The following MXRA7 variants were observed in gnomAD, a reference collection of about 807,000 sequenced individuals.
MXRA7 encodes matrix-remodeling-associated protein 7.
A neutral mutation model predicts 17.4 loss-of-function variants in MXRA7; 18 were observed. The ratio of observed to expected loss-of-function variants is 1.03; its 90% CI spans 0.71 to 1.53. MXRA7 has a LOEUF of 1.53. MXRA7 is among the 40% of genes most tolerant of loss of function. The pLI is 0.00. For missense variants in MXRA7, 141 were observed against 209.3 expected, an observed-to-expected ratio of 0.67 and a Z score of 2.01; for synonymous variants, 70 against 101.7, an observed-to-expected ratio of 0.69 and a Z score of 1.87.
At chr17:76,704,172 T>A (rs2076627149) in intron 1 of MXRA7, among the ~76,000 whole-genome samples, 1 of 149,444 alleles carries the variant, frequency 6.7e-6, no homozygotes. Context: ...CTAGAATGAC[T>A]GCTGCAGCAC....
Position 76,681,682 on chromosome 17 carries a change from T to C in MXRA7, c.501-803A>G, listed in dbSNP as rs1363237469. On this transcript the variant is annotated intron_variant, in intron 3 of 3. Transcript: ENST00000449428. The surrounding 1 kb of genome is among the most constrained non-coding windows in gnomAD (Gnocchi z 4.7). ...CTGATCTATCAGAGCCAGCCCAGTCTATAGCCTGGGTTCATTTTCCCTCTG... is the reference window on the plus strand; with the variant it reads ...CTGATCTATCAGAGCCAGCCCAGTCCATAGCCTGGGTTCATTTTCCCTCTG... Among the ~76,000 whole-genome samples the C allele has an allele frequency of 6.6e-6, 1 of 152,176 alleles. No individual in the cohort carries two copies. Among genetic ancestry groups the C allele is most frequent in the East Asian group, 1.9e-4 (1 of 5,194 alleles).
At chr17:76,702,223 A>T (rs1177141573) in intron 1 of MXRA7, among the ~76,000 whole-genome samples, 1 of 152,238 alleles carries the variant, frequency 6.6e-6, no homozygotes, top group Non-Finnish European at 1.5e-5. Flanking sequence ...ATAGAAGATA[A>T]GGGCTGGGCA....
intron 1 of MXRA7, among the ~76,000 whole-genome samples, chr17:76,701,721 C>T (rs538359037): frequency 4.6e-5 from 7 of 152,134 alleles, no homozygotes; most frequent in South Asian, 2.1e-4. Context: ...ACTGTTCCTG[C>T]GAGGAGCCGA....
At chr17:76,693,266 G>C (rs963866443) in intron 1 of MXRA7, among the ~76,000 whole-genome samples, 5 of 150,270 alleles carry the variant, frequency 3.3e-5, no homozygotes, top group Non-Finnish European at 7.4e-5. Context: ...TCATTAGTTC[G>C]AGACCAGTCT....
At chr17:76,692,927 C>G (rs1308570886) in intron 1 of MXRA7, among the ~76,000 whole-genome samples, 24 of 152,064 alleles carry the variant, frequency 1.6e-4, no homozygotes, top group Admixed American at 1.6e-3. Flanking sequence ...TTTGTGCACA[C>G]GTGACCTCAA....
chr17:76,684,257 G>C (rs2076354850), intron 3 of MXRA7, among the ~76,000 whole-genome samples: 1 of 152,180 alleles, frequency 6.6e-6, no homozygotes, highest in South Asian at 2.1e-4. Flanking sequence ...GCTGGTTTCT[G>C]CTGACAAGTA....
intron 1 of MXRA7, among the ~76,000 whole-genome samples, chr17:76,695,229 A>G (rs1031448184): frequency 6.6e-6 from 1 of 152,150 alleles, no homozygotes; most frequent in African/African-American, 2.4e-5. Flanking sequence ...CTGATTTTAT[A>G]AAAGTGTGGA....
chr17:76,677,656 T>C (rs1432239614), downstream of MXRA7: 2 of 1,613,888 alleles, frequency 1.2e-6, no homozygotes, highest in Non-Finnish European at 1.7e-6. Flanking sequence ...GTCTCCTTGT[T>C]GTCTTTCATG....
intron 1 of MXRA7, among the ~76,000 whole-genome samples, chr17:76,701,054 T>A (rs1036074772): frequency 6.6e-6 from 1 of 150,998 alleles, no homozygotes; most frequent in African/African-American, 2.4e-5. Flanking sequence ...CTGTGGGAAG[T>A]TTGGAATTGC....
intron 2 of MXRA7, 116 bp downstream of exon 2, chr17:76,687,997 T>TATCCCACCCC: frequency 1.0e-6 from 1 of 969,946 alleles, no homozygotes; most frequent in Non-Finnish European, 1.6e-6. Context: ...CTCAGGCCAC[T>TATCCCACCCC]GTCCCACCCC....
At chr17:76,698,816 G>A (rs1356830732) in intron 1 of MXRA7, among the ~76,000 whole-genome samples, 1 of 147,756 alleles carries the variant, frequency 6.8e-6, no homozygotes, top group Non-Finnish European at 1.5e-5. Flanking sequence ...TCCGCCTCCC[G>A]GGTTCAAGAG....
chr17:76,685,048 GC>G, intron 3 of MXRA7, 23 bp downstream of exon 3: 16 of 1,598,388 alleles, frequency 1.0e-5, no homozygotes, highest in Non-Finnish European at 1.4e-5. Context: ...CCCGCCAGGC[GC>G]CAGCGAAGGG....
intron 1 of MXRA7, chr17:76,688,939 C>A: frequency 3.9e-6 from 1 of 256,510 alleles, no homozygotes. Flanking sequence ...GCCCAGCCAG[C>A]GTCGGCCGCT....
At chr17:76,700,727 G>A (rs2076580440) in intron 1 of MXRA7, among the ~76,000 whole-genome samples, 1 of 152,244 alleles carries the variant, frequency 6.6e-6, no homozygotes, top group Non-Finnish European at 1.5e-5. Flanking sequence ...CACTGCGGCA[G>A]ACAAGCCACA....
At chr17:76,706,936 C>T (rs2076668642) in intron 1 of MXRA7, among the ~76,000 whole-genome samples, 1 of 152,116 alleles carries the variant, frequency 6.6e-6, no homozygotes, top group Admixed American at 6.5e-5. Flanking sequence ...TACACACACA[C>T]ACTGTGTGTG....
chr17:76,673,056 C>T lies in MXRA7; in HGVS notation c.*4532G>A, dbSNP rs534713875. On this transcript the variant is annotated 3_prime_UTR_variant, in exon 4 of 4. Transcript: ENST00000355797. ...GAGTGAAGGATTTCTGGTACCCTGCCGCTCTCCAAAAAGACGTCTCTTTGG... is the reference window on the plus strand; with the variant it reads ...GAGTGAAGGATTTCTGGTACCCTGCTGCTCTCCAAAAAGACGTCTCTTTGG... 3.3e-5 allele frequency: 5 copies of T among 152,284 alleles called. No individual in the cohort carries two copies. In the East Asian group the frequency reaches 5.8e-4, roughly 18 times the overall value. 9.4% of individuals were successfully genotyped at this position (152,284 alleles called of 1,614,324 possible).
rs187447677 is a variant in MXRA7 at position 76,702,060 on chromosome 17, G to A, written c.342+8545C>T. Among the ~76,000 whole-genome samples, 306 of 152,306 alleles carry A rather than the reference G, an allele frequency of 2.0e-3. 1 individual carries two copies. Among genetic ancestry groups the A allele is most frequent in the African/African-American group, 7.1e-3 (293 of 41,560 alleles). On this transcript the variant is annotated intron_variant, in intron 1 of 3. Transcript: ENST00000449428. ...TCAGGGAATATCAGGTCGAATTCTA[G>A]GTGCTACATTTTGAGATAGAGAAAA...
chr17:76,676,287 C>T (rs1483242905), downstream of MXRA7: 1 of 152,190 alleles, frequency 6.6e-6, no homozygotes, highest in African/African-American at 2.4e-5. Context: ...TTTCTTCTGT[C>T]TACAGCATCC....
intron 1 of MXRA7, among the ~76,000 whole-genome samples, chr17:76,700,379 C>T (rs1168080397): frequency 6.6e-6 from 1 of 152,196 alleles, no homozygotes; most frequent in East Asian, 1.9e-4. Flanking sequence ...GGTATCCCGT[C>T]TCTGTCTGAA....
Sources: allele counts gnomAD v4.1 joint callset (sites outside exome capture counted in the v4.1 genomes callset), GRCh38; gene constraint gnomAD v4.1.1; non-coding constraint Gnocchi (gnomAD v3.1); transcripts MANE v1.5; gene names NCBI Gene and HGNC (gene_info 2026-07-23, HGNC 2026-07-21).